COL25A1: variants seen among roughly 807,000 people sequenced by gnomAD.
The protein encoded by COL25A1 is collagen alpha-1(XXV) chain.
A neutral mutation model predicts 128.4 loss-of-function variants in COL25A1; 103 were observed. The observed-to-expected ratio is 0.80, with a 90% CI of 0.68 to 0.94. The LOEUF is 0.94. Among genes scored for constraint, COL25A1 ranks in the 40% least tolerant of loss-of-function variants. COL25A1 has a pLI of 0.00. For synonymous variants in COL25A1, 279 were observed against 277.2 expected, an observed-to-expected ratio of 1.01 and a Z score of -0.06; for missense variants, 745 against 840.0, an observed-to-expected ratio of 0.89 and a Z score of 1.40.
At chr4:109,113,792 T>C (rs1027593351) in intron 3 of COL25A1, among the ~76,000 whole-genome samples, 3 of 152,040 alleles carry the variant, frequency 2.0e-5, no homozygotes, top group Non-Finnish European at 4.4e-5. Flanking sequence ...GCAACATATG[T>C]AGTACAAAAA....
chr4:109,263,564 T>C (rs548524470), intron 3 of COL25A1, among the ~76,000 whole-genome samples: 57 of 152,190 alleles, frequency 3.7e-4, no homozygotes, highest in African/African-American at 1.4e-3. Flanking sequence ...TTCCCTAAAG[T>C]TTATTGGTTT....
chr4:109,256,085 GGTGTGTGTGT>G (rs60794002), intron 3 of COL25A1, among the ~76,000 whole-genome samples: 15 of 143,354 alleles, frequency 1.0e-4, no homozygotes, highest in Non-Finnish European at 1.7e-4. Flanking sequence ...TTTAAGCATT[GGTGTGTGTGT>G]GTGTGTGTGT....
intron 3 of COL25A1, among the ~76,000 whole-genome samples, chr4:109,180,307 A>G (rs1038556052): frequency 6.6e-6 from 1 of 152,220 alleles, no homozygotes; most frequent in Non-Finnish European, 1.5e-5. Flanking sequence ...AAGTGCAGAT[A>G]ACAAGTTAAA....
At chr4:109,030,543 C>T (rs1333981048) in intron 5 of COL25A1, among the ~76,000 whole-genome samples, 2 of 152,178 alleles carry the variant, frequency 1.3e-5, no homozygotes, top group Non-Finnish European at 2.9e-5. Context: ...CTGTGAAAGA[C>T]CCTTGAATAA....
chr4:109,147,986 G>A (rs1013759238), intron 3 of COL25A1, among the ~76,000 whole-genome samples: 5 of 152,152 alleles, frequency 3.3e-5, no homozygotes, highest in Non-Finnish European at 7.3e-5. Flanking sequence ...GAGTTCAGGA[G>A]AGAATAGTCC....
chr4:108,930,167 A>T (rs760236977), intron 11 of COL25A1, among the ~76,000 whole-genome samples: 4 of 152,086 alleles, frequency 2.6e-5, no homozygotes, highest in African/African-American at 7.2e-5. Context: ...GCAGAAGTCT[A>T]TATCTTTTTT....
intron 11 of COL25A1, among the ~76,000 whole-genome samples, chr4:108,937,292 C>G (rs1360188173): frequency 6.6e-6 from 1 of 151,996 alleles, no homozygotes. Context: ...GAACTGGGAC[C>G]TGTGTGTCTA....
At chr4:109,203,970 G>A (rs1235356392) in intron 3 of COL25A1, among the ~76,000 whole-genome samples, 6 of 152,106 alleles carry the variant, frequency 3.9e-5, no homozygotes, top group African/African-American at 1.4e-4. Flanking sequence ...TGAAGCAACT[G>A]CAGGAATAAC....
chr4:109,226,234 G>A (rs939317118), intron 3 of COL25A1, among the ~76,000 whole-genome samples: 19 of 152,036 alleles, frequency 1.2e-4, no homozygotes, highest in Middle Eastern at 3.2e-3. Context: ...AAGAATGGGA[G>A]GTAGGAGGGG....
At chr4:109,195,897 A>G (rs973206723) in intron 3 of COL25A1, among the ~76,000 whole-genome samples, 9 of 152,198 alleles carry the variant, frequency 5.9e-5, no homozygotes, top group East Asian at 1.9e-4. Flanking sequence ...CCTGTATTCT[A>G]TGATGGAATT....
At chr4:109,261,995 CT>C (rs1004621859) in intron 3 of COL25A1, among the ~76,000 whole-genome samples, 173 of 152,060 alleles carry the variant, frequency 1.1e-3, no homozygotes, top group African/African-American at 4.0e-3. Flanking sequence ...CCGCGCCCGG[CT>C]GATATACAAT....
intron 3 of COL25A1, among the ~76,000 whole-genome samples, chr4:109,084,390 T>C (rs1477480194): frequency 6.6e-6 from 1 of 152,164 alleles, no homozygotes; most frequent in Non-Finnish European, 1.5e-5. Flanking sequence ...AAACTAAAAC[T>C]GTAATGAAGG....
intron 3 of COL25A1, 49 bp from the exon 4 acceptor site, chr4:109,050,228 G>C: frequency 2.8e-6 from 4 of 1,446,276 alleles, no homozygotes; most frequent in East Asian, 2.3e-5. Context: ...TCTTTTTCCT[G>C]GTTCCAAAAT....
rs189738921 is a variant in COL25A1 at position 109,007,697 on chromosome 4, G to T, written c.438+2661C>A. On this transcript the variant is annotated intron_variant, in intron 6 of 37. Transcript: ENST00000399132. ...GTTTCTAATGGGACCATTTGAAAAT[G>T]CTGGTCCCAGCCTCCTTGCAAATTT... Among the ~76,000 whole-genome samples, 39 of 152,298 alleles carry T rather than the reference G, an allele frequency of 2.6e-4. No homozygotes were observed. The East Asian group carries it at 4.1e-3, about 16-fold the overall frequency.
intron 16 of COL25A1, among the ~76,000 whole-genome samples, chr4:108,894,930 G>A (rs1741950017): frequency 6.6e-6 from 1 of 152,188 alleles, no homozygotes; most frequent in East Asian, 1.9e-4. Context: ...GGTAACGTTT[G>A]ACAATACCTG....
chr4:109,282,837 G>A (rs928073408), intron 3 of COL25A1, among the ~76,000 whole-genome samples: 6 of 152,102 alleles, frequency 3.9e-5, no homozygotes, highest in Non-Finnish European at 5.9e-5. Context: ...GAGAACACTC[G>A]CTTAAGCTAT....
intron 3 of COL25A1, among the ~76,000 whole-genome samples, chr4:109,190,740 A>G (rs1406673467): frequency 6.6e-6 from 1 of 152,224 alleles, no homozygotes; most frequent in African/African-American, 2.4e-5. Context: ...GTTACACAGA[A>G]GAGGCTAAAT....
chr4:108,887,493 G>T (rs919131396), intron 18 of COL25A1, among the ~76,000 whole-genome samples: 2 of 152,164 alleles, frequency 1.3e-5, no homozygotes, highest in African/African-American at 4.8e-5. Flanking sequence ...GGGAAAGTGG[G>T]ATTGTATCAA....
chr4:108,916,345 A>C (rs1744867205), intron 13 of COL25A1, among the ~76,000 whole-genome samples: 1 of 152,216 alleles, frequency 6.6e-6, no homozygotes, highest in African/African-American at 2.4e-5. Flanking sequence ...AATATAATTT[A>C]AACTTGGTGA....
Sources: allele counts gnomAD v4.1 joint callset (sites outside exome capture counted in the v4.1 genomes callset), GRCh38; gene constraint gnomAD v4.1.1; transcripts MANE v1.5; gene names NCBI Gene and HGNC (gene_info 2026-07-23, HGNC 2026-07-21).